Variants in TBC1D9B observed in about 807,000 individuals in gnomAD.
TBC1D9B encodes TBC1 domain family member 9B, also known as TBC1 domain family, member 9B (with GRAM domain).
TBC1D9B carries 87 observed loss-of-function variants against 121.1 expected under a neutral mutation model. The observed-to-expected ratio is 0.72, with a 90% CI of 0.60 to 0.86. The LOEUF (loss-of-function observed/expected upper bound fraction) is 0.86, where lower values mean the gene tolerates loss of function less well. TBC1D9B is among the 40% of genes least tolerant of loss of function. The pLI, the probability that TBC1D9B is intolerant of heterozygous loss-of-function variation, is 0.00. For missense variants in TBC1D9B, 1,540 were observed against 1,628.6 expected (o/e 0.95, Z 0.94); for synonymous variants, 668 against 670.1 (o/e 1.00, Z 0.05).
intron 3 of TBC1D9B, among the ~76,000 whole-genome samples, chr5:179,898,372 C>T (rs755561490): frequency 9.2e-5 from 14 of 152,056 alleles, no homozygotes; most frequent in Non-Finnish European, 2.1e-4. Flanking sequence ...CCAGGATGGT[C>T]GCGATCTCCT....
chr5:179,862,273 G>T lies in TBC1D9B; in HGVS notation c.*1175C>A. 2 of 265,758 alleles carry T rather than the reference G, an allele frequency of 7.5e-6. No individual in the cohort carries two copies. The highest frequency in any genetic ancestry group is 4.1e-5 in the Admixed American group (1 of 24,600). 16.5% of individuals were successfully genotyped at this position (265,758 alleles called of 1,614,324 possible). ...CCCTGTGGATAAGGGGGTAACTGCT[G>T]TATCTTTTAGTAGAAGCAAGAGCAG... On this transcript the variant is annotated 3_prime_UTR_variant, in exon 21 of 21. Coordinates refer to ENST00000355235, the MANE Select transcript of TBC1D9B (RefSeq NM_015043.4).
At position 179,893,367 on chromosome 5, in the gene TBC1D9B, G is replaced by A. The variant is rs367905439; in HGVS notation, c.678C>T (p.Leu226=). The A allele has an allele frequency of 6.2e-7, 1 of 1,614,194 alleles. No homozygotes were observed. Among genetic ancestry groups the A allele is most frequent in the African/African-American group, 1.3e-5 (1 of 75,066 alleles). ...CGATGTTGAGGAACATGGAGAAGAA[G>A]AGCTCCTGGTCGCGGGTGTCCACAC... ...SIRVDTRDQE[L]FFSMFLNIGE... The change falls in exon 5 of 21, where the codon CTC becomes CTT. Residue 226 remains leucine (L), a synonymous_variant. Transcript: ENST00000355235.
intron 3 of TBC1D9B, among the ~76,000 whole-genome samples, chr5:179,898,124 T>C (rs1761066501): frequency 1.3e-5 from 2 of 149,722 alleles, no homozygotes; most frequent in Non-Finnish European, 3.0e-5. Context: ...GAGACTAGCC[T>C]GGCCAACATG....
chr5:179,906,637 CA>C (rs1157576059), intron 1 of TBC1D9B, among the ~76,000 whole-genome samples: 2 of 152,132 alleles, frequency 1.3e-5, no homozygotes, highest in Admixed American at 1.3e-4. Flanking sequence ...GGGTCCAGAA[CA>C]GGAGCCCGAG....
At chr5:179,877,556 C>T (rs1760393736) in intron 10 of TBC1D9B, among the ~76,000 whole-genome samples, 1 of 150,230 alleles carries the variant, frequency 6.7e-6, no homozygotes, top group African/African-American at 2.5e-5. Flanking sequence ...CCCAGCTACT[C>T]AAGAGGCTGA....
At position 179,865,248 on chromosome 5, in the gene TBC1D9B, G is replaced by A. The variant is rs774987272; in HGVS notation, c.3021+6C>T. ...AATGTCTACTGTGGGCTCCAGTGGA[G>A]CCTACCTGGTTCATCTTGGGAAGAT... On this transcript the variant is annotated splice_donor_region_variant and intron_variant, in intron 20 of 20. Coordinates refer to ENST00000355235, the MANE Select transcript of TBC1D9B (RefSeq NM_015043.4). The surrounding 1 kb of genome is among the most constrained non-coding windows in gnomAD (Gnocchi z 5.1). 6.2e-7 allele frequency: 1 copy of A among 1,613,944 alleles called. No individual in the cohort carries two copies. Among genetic ancestry groups the A allele is most frequent in the Non-Finnish European group, 8.5e-7 (1 of 1,179,794 alleles).
intron 1 of TBC1D9B, among the ~76,000 whole-genome samples, chr5:179,906,626 C>A (rs1308027807): frequency 6.6e-6 from 1 of 152,086 alleles, no homozygotes; most frequent in Non-Finnish European, 1.5e-5. Flanking sequence ...ATCTAGGAGG[C>A]GGGTCCAGAA....
In TBC1D9B at chr5:179,902,568, T is replaced by C. The variant is rs527630339; in HGVS notation, c.229+2134A>G. The stretch of plus-strand genomic sequence containing the variant: ...AGTGTGTGGCACGGGGCTACGTACA[T>C]GGGCTCCGCTGCGTGGCTGTGGCTG... On this transcript the variant is annotated intron_variant, in intron 2 of 20. Coordinates refer to ENST00000355235, the MANE Select transcript of TBC1D9B (RefSeq NM_015043.4). The surrounding 1 kb of genome is among the most constrained non-coding windows in gnomAD (Gnocchi z 4.9). Among the ~76,000 whole-genome samples the C allele has an allele frequency of 3.9e-5, 6 of 152,246 alleles. 1 individual carries two copies. In the South Asian group the frequency reaches 1.2e-3, roughly 32 times the overall value.
At chr5:179,898,783 T>G (rs1441302154) in intron 3 of TBC1D9B, among the ~76,000 whole-genome samples, 2 of 152,230 alleles carry the variant, frequency 1.3e-5, no homozygotes, top group Non-Finnish European at 2.9e-5. Context: ...ATGAATACAC[T>G]GTAGGGTAAA....
chr5:179,895,250 A>ACTGT (rs1760986135), intron 3 of TBC1D9B, among the ~76,000 whole-genome samples: 1 of 152,232 alleles, frequency 6.6e-6, no homozygotes, highest in African/African-American at 2.4e-5. Context: ...ATACAGTAGA[A>ACTGT]ATGTGTATTC....
chr5:179,879,264 C>A, intron 8 of TBC1D9B, 67 bp from the exon 9 acceptor site: 2 of 1,545,630 alleles, frequency 1.3e-6, no homozygotes, highest in Non-Finnish European at 1.7e-6. Flanking sequence ...CCTAGGCCAC[C>A]GCGGAAGCCT....
intron 7 of TBC1D9B, among the ~76,000 whole-genome samples, chr5:179,881,945 C>CTTTTTTTTTTTTTTTTT (rs1561640797): frequency 1.4e-5 from 2 of 139,254 alleles, no homozygotes; most frequent in Admixed American, 6.9e-5. Context: ...ATATACCTTC[C>CTTTTTTTTTTTTTTTTT]GTTTTTTTTT....
In TBC1D9B at chr5:179,862,560, G is replaced by C. The variant is rs1561629215; in HGVS notation, c.*888C>G. ...AGGTTGGTCAGGACCTGCCCAGCTT[G>C]CACCAGCAGGTTCTGCGTCTCCATC... On this transcript the variant is annotated 3_prime_UTR_variant, in exon 21 of 21. Transcript: ENST00000355235. 1 of 456,516 alleles carries C rather than the reference G, an allele frequency of 2.2e-6. No homozygotes were observed. Among genetic ancestry groups the C allele is most frequent in the Non-Finnish European group, 4.4e-6 (1 of 226,920 alleles). 28.3% of individuals were successfully genotyped at this position (456,516 alleles called of 1,614,324 possible).
chr5:179,871,312 G>T, intron 15 of TBC1D9B, 150 bp downstream of exon 15: 1 of 742,450 alleles, frequency 1.3e-6, no homozygotes, highest in Non-Finnish European at 2.2e-6. Flanking sequence ...CATGGCAACT[G>T]CATCTGAGGA....
chr5:179,863,475 G>A lies in TBC1D9B; in HGVS notation c.3675C>T (p.Asp1225=), dbSNP rs1275682537. The change falls in exon 21 of 21, where the codon GAC becomes GAT. Residue 1225 remains aspartate (D), a synonymous_variant. Coordinates refer to ENST00000355235, the MANE Select transcript of TBC1D9B (RefSeq NM_015043.4). The surrounding 1 kb of genome is among the most constrained non-coding windows in gnomAD (Gnocchi z 4.5). ...KVERQFSTAS[D]HEQPGVSG ...AGCCGGAAACTCCAGGCTGCTCATGGTCACTGGCGGTGCTGAACTGTCTCT... is the reference window on the plus strand; with the variant it reads ...AGCCGGAAACTCCAGGCTGCTCATGATCACTGGCGGTGCTGAACTGTCTCT... 1 of 1,614,038 alleles carries A rather than the reference G, an allele frequency of 6.2e-7. No individual in the cohort carries two copies. The highest frequency in any genetic ancestry group is 8.5e-7 in the Non-Finnish European group (1 of 1,179,986).
Position 179,863,026 on chromosome 5 carries a change from C to A in TBC1D9B, c.*422G>T. On this transcript the variant is annotated 3_prime_UTR_variant, in exon 21 of 21. Transcript: ENST00000355235. This position sits in a 1 kb window ranked among gnomAD's most constrained non-coding sequence, Gnocchi z 4.5. ...AAGCACATGCCCCCCAACCTGGTGC[C>A]AAGAGGCAGGAATGACCCCCATACC... 1 of 256,736 alleles carries A rather than the reference C, an allele frequency of 3.9e-6. No individual in the cohort carries two copies. Among genetic ancestry groups the A allele is most frequent in the Non-Finnish European group, 7.8e-6 (1 of 127,478 alleles). 15.9% of individuals were successfully genotyped at this position (256,736 alleles called of 1,614,324 possible).
At chr5:179,897,568 G>A (rs1271168573) in intron 3 of TBC1D9B, among the ~76,000 whole-genome samples, 3 of 152,072 alleles carry the variant, frequency 2.0e-5, no homozygotes, top group Admixed American at 6.5e-5. Context: ...CAAGTGATCC[G>A]CCCGTCTTGG....
chr5:179,873,008 T>C lies in TBC1D9B; in HGVS notation c.2317-18A>G. On this transcript the variant is annotated intron_variant, in intron 13 of 20. Coordinates refer to ENST00000355235, the MANE Select transcript of TBC1D9B (RefSeq NM_015043.4). The stretch of plus-strand genomic sequence containing the variant: ...CTGAATTTCTATAGGGAGAGGTGAC[T>C]TGGTGAGATCAAGCCAACTGCAGGG... 1 of 1,613,956 alleles carries C rather than the reference T, an allele frequency of 6.2e-7. No homozygotes were observed. The highest frequency in any genetic ancestry group is 8.5e-7 in the Non-Finnish European group (1 of 1,180,008).
intron 10 of TBC1D9B, among the ~76,000 whole-genome samples, chr5:179,876,944 A>G (rs975122680): frequency 6.6e-6 from 1 of 151,294 alleles, no homozygotes; most frequent in East Asian, 1.9e-4. Flanking sequence ...GGTGGTGTGT[A>G]CCTGTAGTTC....
Sources: gnomAD v4.1 joint callset for allele counts (sites outside exome capture counted in the v4.1 genomes callset) on GRCh38, gnomAD v4.1.1 for gene constraint, Gnocchi (gnomAD v3.1) non-coding constraint, MANE v1.5 for transcripts, NCBI Gene and HGNC (gene_info 2026-07-23, HGNC 2026-07-21) for gene names.